The following PDE1A variants were observed in gnomAD, a reference collection of about 807,000 sequenced individuals.
PDE1A encodes phosphodiesterase 1A.
PDE1A carries 35 observed loss-of-function variants against 61.7 expected under a neutral mutation model. The ratio of observed to expected loss-of-function variants is 0.57; its 90% CI spans 0.43 to 0.75. The LOEUF is 0.75. PDE1A is among the 30% of genes least tolerant of loss of function. The pLI, the probability that PDE1A is intolerant of heterozygous loss-of-function variation, is 0.00. For synonymous variants in PDE1A, 232 were observed against 213.2 expected (o/e 1.09, Z -0.77); for missense variants, 597 against 630.6 (o/e 0.95, Z 0.57).
intron 2 of PDE1A, among the ~76,000 whole-genome samples, chr2:182,460,075 C>T (rs961522404): frequency 1.3e-5 from 2 of 152,156 alleles, no homozygotes; most frequent in Non-Finnish European, 2.9e-5. Flanking sequence ...ATTGATACTA[C>T]CTCTTTTAAC....
At chr2:182,541,867 A>G in the PDE1A span, among the ~76,000 whole-genome samples, 166 of 152,326 alleles carry the variant, frequency 1.1e-3, no homozygotes, top group Admixed American at 6.4e-3. Context: ...AGGAAATATT[A>G]AGTTTAAAAA....
chr2:182,458,586 G>T (rs905414269), intron 2 of PDE1A, among the ~76,000 whole-genome samples: 1 of 152,008 alleles, frequency 6.6e-6, no homozygotes, highest in East Asian at 1.9e-4. Context: ...AATAAAGAGG[G>T]TTCATTTGAG....
chr2:182,680,610 T>G, the PDE1A span, among the ~76,000 whole-genome samples: 12 of 152,284 alleles, frequency 7.9e-5, no homozygotes, highest in African/African-American at 2.9e-4. Flanking sequence ...GTAGGAAAGA[T>G]TGCAGCTTGT....
intron 2 of PDE1A, among the ~76,000 whole-genome samples, chr2:182,433,992 G>A (rs1271254656): frequency 6.6e-6 from 1 of 152,018 alleles, no homozygotes; most frequent in Admixed American, 6.6e-5. Context: ...ACCTGTACCT[G>A]CAGTTTTTCC....
At chr2:182,531,538 C>G in the PDE1A span, among the ~76,000 whole-genome samples, 1 of 151,626 alleles carries the variant, frequency 6.6e-6, no homozygotes, top group South Asian at 2.1e-4. Flanking sequence ...TATAAAAATC[C>G]CAAATGTTTA....
At chr2:182,635,670 A>ATCTCTC in the PDE1A span, among the ~76,000 whole-genome samples, 4 of 148,686 alleles carry the variant, frequency 2.7e-5, no homozygotes, top group African/African-American at 9.9e-5. Flanking sequence ...TTTTAAGAGT[A>ATCTCTC]TCTATCTCTC....
At chr2:182,700,591 A>G in the PDE1A span, among the ~76,000 whole-genome samples, 2 of 151,792 alleles carry the variant, frequency 1.3e-5, no homozygotes, top group Non-Finnish European at 2.9e-5. Flanking sequence ...GTGTGGTGGC[A>G]GGCACCTGTA....
intron 1 of PDE1A, among the ~76,000 whole-genome samples, chr2:182,408,607 T>C (rs1181193078): frequency 6.6e-6 from 1 of 152,136 alleles, no homozygotes; most frequent in African/African-American, 2.4e-5. Context: ...AGACGTTAAT[T>C]TTTTCCCTAA....
At chr2:182,305,764 A>C (rs1224263058) in intron 1 of PDE1A, among the ~76,000 whole-genome samples, 3 of 152,044 alleles carry the variant, frequency 2.0e-5, no homozygotes, top group Non-Finnish European at 4.4e-5. Context: ...GTAATTTGAC[A>C]AATTATAATT....
chr2:182,342,844 C>T (rs1375084818), intron 1 of PDE1A, among the ~76,000 whole-genome samples: 2 of 152,160 alleles, frequency 1.3e-5, no homozygotes, highest in South Asian at 2.1e-4. Context: ...CTCTTTCATA[C>T]CTATAACTAG....
At chr2:182,571,493 A>G in the PDE1A span, among the ~76,000 whole-genome samples, 5 of 152,144 alleles carry the variant, frequency 3.3e-5, no homozygotes, top group African/African-American at 7.2e-5. Context: ...GTGAAGGCAA[A>G]TGTCATGAAT....
At position 182,160,643 on chromosome 2, in the gene PDE1A, G is replaced by A. The variant is rs982510937; in HGVS notation, c.1517-13491C>T. 3.3e-5 allele frequency among the ~76,000 whole-genome samples: 5 copies of A among 152,062 alleles called. No homozygotes were observed. In the South Asian group the frequency reaches 8.3e-4, roughly 25 times the overall value. On this transcript the variant is annotated intron_variant, in intron 13 of 13. Coordinates refer to the PDE1A transcript ENST00000409365. ...CATTCTTGGCCTCCTTGGTTTTGAG[G>A]CTTTCAGACTGAGATGGTCACACTA...
chr2:182,546,799 G>A, the PDE1A span, among the ~76,000 whole-genome samples: 1 of 152,166 alleles, frequency 6.6e-6, no homozygotes, highest in African/African-American at 2.4e-5. Flanking sequence ...AACTCTAAAT[G>A]ACAGGGTGTT....
At chr2:182,678,804 G>T in the PDE1A span, among the ~76,000 whole-genome samples, 7,133 of 152,176 alleles carry the variant, frequency 0.047, 246 homozygotes, top group Middle Eastern at 0.075. Flanking sequence ...CGAAGAGGAG[G>T]GGGAGAGGGA....
intron 1 of PDE1A, among the ~76,000 whole-genome samples, chr2:182,264,797 A>G (rs190869709): frequency 1.3e-5 from 2 of 148,848 alleles, no homozygotes; most frequent in South Asian, 2.1e-4. Flanking sequence ...CACTCTTCTT[A>G]ATTCACAGTT....
chr2:182,286,203 T>C (rs1248792304), intron 1 of PDE1A, among the ~76,000 whole-genome samples: 2 of 152,148 alleles, frequency 1.3e-5, no homozygotes, highest in Non-Finnish European at 2.9e-5. Context: ...ACAGGTGTCA[T>C]AATGAACTCA....
chr2:182,550,589 C>T, the PDE1A span, among the ~76,000 whole-genome samples: 6 of 152,290 alleles, frequency 3.9e-5, no homozygotes, highest in South Asian at 4.2e-4. Context: ...ACAATTACGA[C>T]GCTCCAGTCA....
chr2:182,280,875 G>A (rs1693758975), intron 1 of PDE1A, among the ~76,000 whole-genome samples: 2 of 151,752 alleles, frequency 1.3e-5, no homozygotes, highest in African/African-American at 4.8e-5. Flanking sequence ...TAATAAGGTG[G>A]CAGCAAGGTA....
chr2:182,433,794 T>C (rs147149442), intron 2 of PDE1A, among the ~76,000 whole-genome samples: 167 of 152,188 alleles, frequency 1.1e-3, no homozygotes, highest in African/African-American at 3.8e-3. Flanking sequence ...ACCCTGACCT[T>C]TGGCTCATTC....
Sources: gnomAD v4.1 joint callset for allele counts (sites outside exome capture counted in the v4.1 genomes callset) on GRCh38, gnomAD v4.1.1 for gene constraint, MANE v1.5 for transcripts, NCBI Gene and HGNC (gene_info 2026-07-23, HGNC 2026-07-21) for gene names.